AGAP1: variants seen among roughly 807,000 people sequenced by gnomAD.
AGAP1 encodes the protein ArfGAP with GTPase domain, ankyrin repeat and PH domain 1.
Under a neutral mutation model 105.3 loss-of-function variants are expected in AGAP1, and 29 were observed. The ratio of observed to expected loss-of-function variants is 0.28; its 90% confidence interval spans 0.21 to 0.38. The LOEUF is 0.38. Among genes scored for constraint, AGAP1 ranks in the 10% least tolerant of loss-of-function variants. The probability of loss-of-function intolerance (pLI) is 1.00; values close to 1 mark genes in which losing one functional copy is unlikely to be tolerated. For synonymous variants in AGAP1, 509 were observed against 485.9 expected (o/e 1.05, Z -0.63); for missense variants, 998 against 1,165.1 (o/e 0.86, Z 2.09).
rs1159953822 is a variant in AGAP1, at chr2:235,612,777, T to C, written c.164-96402T>C. Among the ~76,000 whole-genome samples, 1 of 152,240 alleles carries C rather than the reference T, an allele frequency of 6.6e-6. No homozygotes were observed. Among genetic ancestry groups the C allele is most frequent in the Non-Finnish European group, 1.5e-5 (1 of 68,008 alleles). On this transcript the variant is annotated intron_variant, in intron 1 of 17. Transcript: ENST00000304032. The surrounding 1 kb of genome is among the most constrained non-coding windows in gnomAD (Gnocchi z 4.3). ...GCATGCCGGACGCATACCTGGCACCTGCTTCCAGGTTGGCCTGCCAGCCGA... is the reference window on the plus strand; with the variant it reads ...GCATGCCGGACGCATACCTGGCACCCGCTTCCAGGTTGGCCTGCCAGCCGA...
In AGAP1 at chr2:235,535,688, C is replaced by T. The variant is rs1415599988; in HGVS notation, c.163+40839C>T. On this transcript the variant is annotated intron_variant, in intron 1 of 17. Coordinates refer to ENST00000304032, the MANE Select transcript of AGAP1 (RefSeq NM_001037131.3). This position sits in a 1 kb window ranked among gnomAD's most constrained non-coding sequence, Gnocchi z 5.1. ...TTAATGCTCTTTGCCATTCAAGCCACTCACTTTCATTTTCTATAGAAAAGC... is the reference window on the plus strand; with the variant it reads ...TTAATGCTCTTTGCCATTCAAGCCATTCACTTTCATTTTCTATAGAAAAGC... 6.6e-6 allele frequency among the ~76,000 whole-genome samples: 1 copy of T among 152,102 alleles called. No individual in the cohort carries two copies. Among genetic ancestry groups the T allele is most frequent in the Non-Finnish European group, 1.5e-5 (1 of 68,040 alleles).
At chr2:235,626,473 T>A (rs1172618514) in intron 1 of AGAP1, among the ~76,000 whole-genome samples, 1 of 152,230 alleles carries the variant, frequency 6.6e-6, no homozygotes, top group Non-Finnish European at 1.5e-5. Context: ...GAAGTGTGTG[T>A]GACAGTTAAT....
intron 9 of AGAP1, among the ~76,000 whole-genome samples, chr2:235,823,530 C>T (rs894384169): frequency 6.6e-6 from 1 of 152,160 alleles, no homozygotes; most frequent in Non-Finnish European, 1.5e-5. Context: ...CATCTTATAC[C>T]TAGGGAAACT....
chr2:235,796,850 A>T (rs1253714169), intron 6 of AGAP1, among the ~76,000 whole-genome samples: 1 of 152,212 alleles, frequency 6.6e-6, no homozygotes, highest in Non-Finnish European at 1.5e-5. Flanking sequence ...CATCTATTCA[A>T]ATCAAAAGTG....
intron 1 of AGAP1, among the ~76,000 whole-genome samples, chr2:235,504,083 T>C (rs1024017166): frequency 5.3e-5 from 8 of 151,948 alleles, no homozygotes; most frequent in African/African-American, 1.7e-4. Context: ...GGGGTCTCGC[T>C]ATGTTGCCTT....
At chr2:235,514,474 C>G (rs73118456) in intron 1 of AGAP1, among the ~76,000 whole-genome samples, 6 of 152,262 alleles carry the variant, frequency 3.9e-5, no homozygotes, top group Non-Finnish European at 8.8e-5. Context: ...ACCTGTGGCA[C>G]CTTCGCTGTG....
Position 235,982,820 on chromosome 2 carries a change from AG to A in AGAP1, c.1645+14198del, listed in dbSNP as rs1247959253. On this transcript the variant is annotated intron_variant, in intron 13 of 17. Transcript: ENST00000304032. This position sits in a 1 kb window ranked among gnomAD's most constrained non-coding sequence, Gnocchi z 4.9. ...CAAAGATTAATATGTTACTGTCATC[AG>A]TGACTTGTTACCTTCTGTTTCTGAT... 6.6e-6 allele frequency among the ~76,000 whole-genome samples: 1 copy of A among 152,164 alleles called. No individual in the cohort carries two copies. The highest frequency in any genetic ancestry group is 2.4e-5 in the African/African-American group (1 of 41,446).
chr2:235,537,224 G>A (rs1264107433), intron 1 of AGAP1, among the ~76,000 whole-genome samples: 1 of 152,236 alleles, frequency 6.6e-6, no homozygotes, highest in Admixed American at 6.5e-5. Flanking sequence ...AGCGGGGGTG[G>A]TGTGAATGTG....
chr2:235,781,544 C>T (rs866972890), intron 6 of AGAP1, among the ~76,000 whole-genome samples: 18 of 152,102 alleles, frequency 1.2e-4, no homozygotes, highest in Middle Eastern at 3.2e-3. Context: ...GCCAGAAAGG[C>T]ACAAATGAAG....
intron 9 of AGAP1, among the ~76,000 whole-genome samples, chr2:235,822,373 ACTGGAGAAGCCCAGGAGCGAGGAGGAG>A (rs1958837384): frequency 6.6e-6 from 1 of 152,010 alleles, no homozygotes. Context: ...GTGAGGAGGA[ACTGGAGAAGCCCAGGAGCGAGGAGGAG>A]CTGGAGAAGC....
chr2:235,512,096 T>TGTGTGTGAGTAG (rs1311971370), intron 1 of AGAP1, among the ~76,000 whole-genome samples: 1 of 8,548 alleles, frequency 1.2e-4, no homozygotes, highest in Non-Finnish European at 1.9e-4. Flanking sequence ...TGAATGTGTG[T>TGTGTGTGAGTAG]GTGTGTGAAT....
At chr2:236,112,421 A>C (rs1231663817) in intron 16 of AGAP1, among the ~76,000 whole-genome samples, 3 of 151,634 alleles carry the variant, frequency 2.0e-5, no homozygotes, top group African/African-American at 7.3e-5. Flanking sequence ...ATCTCGAAAA[A>C]AAAAAAGGAA....
At chr2:235,518,899 T>C (rs1942506583) in intron 1 of AGAP1, among the ~76,000 whole-genome samples, 1 of 152,182 alleles carries the variant, frequency 6.6e-6, no homozygotes, top group Non-Finnish European at 1.5e-5. Context: ...CGGAAGAGTC[T>C]CCTGTCCTTG....
At chr2:235,624,014 A>G (rs1235569602) in intron 1 of AGAP1, among the ~76,000 whole-genome samples, 2 of 152,224 alleles carry the variant, frequency 1.3e-5, no homozygotes, top group East Asian at 1.9e-4. Flanking sequence ...ACACCAAAAT[A>G]AGGCCAACCT....
chr2:235,749,369 C>G (rs1953236785), intron 5 of AGAP1, among the ~76,000 whole-genome samples: 1 of 151,106 alleles, frequency 6.6e-6, no homozygotes. Flanking sequence ...GGAATCCTGG[C>G]AGCTGAGCTT....
At chr2:235,783,932 C>T (rs1434037726) in intron 6 of AGAP1, among the ~76,000 whole-genome samples, 1 of 152,094 alleles carries the variant, frequency 6.6e-6, no homozygotes, top group Admixed American at 6.6e-5. Context: ...CTGATGCCTG[C>T]ACCGTAGTTG....
rs3834111 is a variant in AGAP1, at chr2:235,728,692, T to TA, written c.310+11053dup. ...CATTTCTTAATGTTGTATATTTTTT[T>TA]AAAAATTAACACCACCATAAGCAAG... On this transcript the variant is annotated intron_variant, in intron 3 of 17. Coordinates refer to ENST00000304032, the MANE Select transcript of AGAP1 (RefSeq NM_001037131.3). This position sits in a 1 kb window ranked among gnomAD's most constrained non-coding sequence, Gnocchi z 4.3. Among the ~76,000 whole-genome samples the TA allele has an allele frequency of 0.018, 2,744 of 152,210 alleles. 82 individuals carry two copies. The highest frequency in any genetic ancestry group is 0.06 in the African/African-American group (2,475 of 41,520).
chr2:236,027,218 G>A lies in AGAP1; in HGVS notation c.1646-9343G>A, dbSNP rs145519983. Among the ~76,000 whole-genome samples, 887 of 152,166 alleles carry A rather than the reference G, an allele frequency of 5.8e-3. 5 individuals carry two copies. Among genetic ancestry groups the A allele is most frequent in the African/African-American group, 0.02 (835 of 41,498 alleles). ...ATATAAATTAGATCTGAAACTCTAC[G>A]TGTGGGTATTCACCTATTACCCTCC... On this transcript the variant is annotated intron_variant, in intron 13 of 17. Transcript: ENST00000304032. The surrounding 1 kb of genome is among the most constrained non-coding windows in gnomAD (Gnocchi z 4.4).
rs1174899885 is a variant in AGAP1, at chr2:235,719,218, G to A, written c.310+1574G>A. Among the ~76,000 whole-genome samples, 1 of 152,176 alleles carries A rather than the reference G, an allele frequency of 6.6e-6. No homozygotes were observed. The highest frequency in any genetic ancestry group is 1.9e-4 in the East Asian group (1 of 5,194). The stretch of plus-strand genomic sequence containing the variant: ...GTTGCTCTGGCAGTCTCTGGCCCTG[G>A]GGTTCAGGTGTCTGGTGGGGCAGCG... On this transcript the variant is annotated intron_variant, in intron 3 of 17. Coordinates refer to ENST00000304032, the MANE Select transcript of AGAP1 (RefSeq NM_001037131.3). The surrounding 1 kb of genome is among the most constrained non-coding windows in gnomAD (Gnocchi z 4.9).
Sources: gnomAD v4.1 joint callset for allele counts (sites outside exome capture counted in the v4.1 genomes callset) on GRCh38, gnomAD v4.1.1 for gene constraint, Gnocchi (gnomAD v3.1) non-coding constraint, MANE v1.5 for transcripts, NCBI Gene and HGNC (gene_info 2026-07-23, HGNC 2026-07-21) for gene names.